The following MAP3K14 variants were observed in gnomAD, a reference collection of about 807,000 sequenced individuals.
MAP3K14 encodes the protein NF-kappa-beta-inducing kinase.
A neutral mutation model predicts 99.2 loss-of-function variants in MAP3K14; 16 were observed. That is an observed-to-expected ratio of 0.16 (90% CI 0.11 to 0.24). The LOEUF (loss-of-function observed/expected upper bound fraction) is 0.24, where lower values mean the gene tolerates loss of function less well. MAP3K14 is among the 10% of genes least tolerant of loss of function. MAP3K14 has a pLI of 1.00. For missense variants in MAP3K14, 784 were observed against 1,208.7 expected, an observed-to-expected ratio of 0.65 and a Z score of 5.21; for synonymous variants, 462 against 492.4, an observed-to-expected ratio of 0.94 and a Z score of 0.82.
At position 45,270,546 on chromosome 17, in the gene MAP3K14, C is replaced by T. The variant is rs572439695; in HGVS notation, c.1839G>A (p.Pro613=). ...AGGAGGGTGGGATCTCCCTCACAGG[C>T]GGAGGCTCGCTGGCAATCTGGGGGG... ...PLCLKIASEP[P]PVREIPPSCA... Residue 613 remains proline (P), a synonymous_variant, in exon 11 of 16, where the codon CCG becomes CCA. Coordinates refer to ENST00000344686, the MANE Select transcript of MAP3K14 (RefSeq NM_003954.5). 1.8e-5 allele frequency: 28 copies of T among 1,558,486 alleles called. No homozygotes were observed. Among genetic ancestry groups the T allele is most frequent in the African/African-American group, 1.1e-4 (8 of 72,500 alleles).
chr17:45,274,724 G>A, intron 6 of MAP3K14, 131 bp from the exon 7 acceptor site: 1 of 1,153,708 alleles, frequency 8.7e-7, no homozygotes, highest in Non-Finnish European at 1.2e-6. Flanking sequence ...CAGGGGCCTG[G>A]GGGGCCTGCT....
At chr17:45,303,384 A>G (rs949624441) in intron 1 of MAP3K14, among the ~76,000 whole-genome samples, 2 of 152,124 alleles carry the variant, frequency 1.3e-5, no homozygotes, top group African/African-American at 4.8e-5. Flanking sequence ...AACATGGGGA[A>G]ATCTCGTCTC....
chr17:45,292,218 C>A (rs1308393352), intron 1 of MAP3K14, among the ~76,000 whole-genome samples: 2 of 152,202 alleles, frequency 1.3e-5, no homozygotes, highest in Admixed American at 1.3e-4. Flanking sequence ...GTACCAAACG[C>A]CAGATGCTGA....
intron 13 of MAP3K14, 50 bp from the exon 14 acceptor site, chr17:45,266,731 C>A: frequency 6.4e-7 from 1 of 1,565,554 alleles, no homozygotes. Flanking sequence ...CTCCAGGATC[C>A]ATCTCCGGCT....
chr17:45,288,960 G>A (rs2044289574), intron 3 of MAP3K14, among the ~76,000 whole-genome samples: 1 of 152,198 alleles, frequency 6.6e-6, no homozygotes, highest in Non-Finnish European at 1.5e-5. Context: ...GATGGGAAAC[G>A]AGGGGGTGCA....
intron 6 of MAP3K14, among the ~76,000 whole-genome samples, chr17:45,283,277 G>A (rs565728602): frequency 6.6e-6 from 1 of 152,324 alleles, no homozygotes; most frequent in East Asian, 1.9e-4. Flanking sequence ...CTGGGGAGGG[G>A]AATTGCAGCT....
rs1187171377 is a variant in MAP3K14, at chr17:45,292,568, GA to G, written c.-20-1804del. Among the ~76,000 whole-genome samples the G allele has an allele frequency of 3.3e-5, 5 of 150,556 alleles. 1 individual carries two copies. Among genetic ancestry groups the G allele is most frequent in the South Asian group, 4.2e-4 (2 of 4,780 alleles). ...ACAGAATAAGACCCTGTCTCTAAAA[GA>G]AAAAAAAAGTCTAAGGGGTGTTCTG... On this transcript the variant is annotated intron_variant, in intron 1 of 15. Transcript: ENST00000344686.
chr17:45,308,828 T>C (rs2044449492), intron 1 of MAP3K14, among the ~76,000 whole-genome samples: 2 of 151,976 alleles, frequency 1.3e-5, no homozygotes, highest in Non-Finnish European at 2.9e-5. Context: ...CCAACACACC[T>C]GGCTAATTTT....
chr17:45,286,612 G>A lies in MAP3K14; in HGVS notation c.971C>T (p.Ser324Phe). ...AGAAAACTTCTCATGGGCACCACGA[G>A]ACAGGCAGCTGGGCTCCAGGTGTGG... ...PGPHLEPSCL[S>F]RGAHEKFSVE... is the part of the protein sequence containing the mutation. The change falls in exon 5 of 16, where the codon TCT becomes TTT. Residue 324 changes from serine (S) to phenylalanine (F), a missense_variant. Ser to Phe is a radical substitution (Grantham distance 155). Transcript: ENST00000344686. This position sits in a 1 kb window ranked among gnomAD's most constrained non-coding sequence, Gnocchi z 4.1. The A allele has an allele frequency of 6.2e-7, 1 of 1,611,414 alleles. No homozygotes were observed. Among genetic ancestry groups the A allele is most frequent in the Non-Finnish European group, 8.5e-7 (1 of 1,178,998 alleles).
intron 14 of MAP3K14, chr17:45,266,237 T>C: frequency 3.1e-6 from 1 of 318,836 alleles, no homozygotes; most frequent in Non-Finnish European, 5.7e-6. Context: ...ATTGCTCATT[T>C]TCCTGACTCC....
intron 1 of MAP3K14, among the ~76,000 whole-genome samples, chr17:45,297,266 G>C (rs2044352436): frequency 6.6e-6 from 1 of 152,176 alleles, no homozygotes; most frequent in African/African-American, 2.4e-5. Context: ...GAACTGAGCA[G>C]TATTACTACC....
At chr17:45,285,242 C>G (rs2044254355) in intron 5 of MAP3K14, among the ~76,000 whole-genome samples, 1 of 152,050 alleles carries the variant, frequency 6.6e-6, no homozygotes, top group Non-Finnish European at 1.5e-5. Context: ...TGCCAATCAC[C>G]TTGACAATGA....
intron 6 of MAP3K14, among the ~76,000 whole-genome samples, chr17:45,283,217 C>A (rs921863796): frequency 4.6e-5 from 7 of 152,228 alleles, no homozygotes; most frequent in African/African-American, 1.7e-4. Flanking sequence ...CACTCTCACA[C>A]TCTCCTCCCA....
chr17:45,311,906 G>T lies in MAP3K14; in HGVS notation c.-21+5054C>A, dbSNP rs987015860. Among the ~76,000 whole-genome samples the T allele has an allele frequency of 1.3e-4, 20 of 152,250 alleles. 3 individuals are homozygous for T. The highest frequency in any genetic ancestry group is 7.8e-4 in the Admixed American group (12 of 15,288). On this transcript the variant is annotated intron_variant, in intron 1 of 15. Transcript: ENST00000344686. ...GAAGCAGGCCATTTTCCACCCTCAG[G>T]GTGGCTGGACTTAGGAGTCAGTGAC...
intron 1 of MAP3K14, among the ~76,000 whole-genome samples, chr17:45,316,758 G>C (rs1348942382): frequency 6.6e-6 from 1 of 151,692 alleles, no homozygotes; most frequent in Non-Finnish European, 1.5e-5. Flanking sequence ...GCGCGGCACC[G>C]GCAGCGCGTG....
intron 6 of MAP3K14, among the ~76,000 whole-genome samples, chr17:45,278,860 C>T (rs1468881092): frequency 4.6e-5 from 7 of 152,072 alleles, no homozygotes; most frequent in Admixed American, 6.6e-5. Flanking sequence ...GATGGGGTTT[C>T]GCCATATTGC....
chr17:45,308,988 A>T (rs1488134047), intron 1 of MAP3K14, among the ~76,000 whole-genome samples: 3 of 150,958 alleles, frequency 2.0e-5, no homozygotes, highest in Non-Finnish European at 3.0e-5. Flanking sequence ...GTTTAAAAAA[A>T]TTTTTTTTTT....
At chr17:45,293,170 C>T (rs1260381311) in intron 1 of MAP3K14, among the ~76,000 whole-genome samples, 1 of 152,168 alleles carries the variant, frequency 6.6e-6, no homozygotes, top group Non-Finnish European at 1.5e-5. Flanking sequence ...ACAGGATGAT[C>T]CCGAATGCTG....
Position 45,267,336 on chromosome 17 carries a change from G to C in MAP3K14, c.2326+70C>G. ...AGAAAGCCCACACCGCAGGTAAAGAGAAACACCGGCCTCCGCGGGTGGCCC... is the reference window on the plus strand; with the variant it reads ...AGAAAGCCCACACCGCAGGTAAAGACAAACACCGGCCTCCGCGGGTGGCCC... On this transcript the variant is annotated intron_variant, in intron 12 of 15. Coordinates refer to ENST00000344686, the MANE Select transcript of MAP3K14 (RefSeq NM_003954.5). The surrounding 1 kb of genome is among the most constrained non-coding windows in gnomAD (Gnocchi z 5.1). 6.7e-7 allele frequency: 1 copy of C among 1,495,668 alleles called. No homozygotes were observed. Among genetic ancestry groups the C allele is most frequent in the Non-Finnish European group, 9.1e-7 (1 of 1,100,960 alleles). 92.6% of individuals were successfully genotyped at this position (1,495,668 alleles called of 1,614,324 possible). A position where few individuals can be genotyped will look rare whatever the true frequency, so the allele number is the denominator to read the frequency against.
Sources: allele counts gnomAD v4.1 joint callset (sites outside exome capture counted in the v4.1 genomes callset), GRCh38; gene constraint gnomAD v4.1.1; non-coding constraint Gnocchi (gnomAD v3.1); transcripts MANE v1.5; gene names NCBI Gene and HGNC (gene_info 2026-07-23, HGNC 2026-07-21).